The following MCM5 variants were observed in gnomAD, a reference collection of about 807,000 sequenced individuals.
MCM5 encodes the protein DNA replication licensing factor MCM5.
MCM5 carries 46 observed loss-of-function variants against 79.9 expected under a neutral mutation model. The observed-to-expected ratio is 0.58, with a 90% CI of 0.45 to 0.74. The LOEUF (loss-of-function observed/expected upper bound fraction) is 0.74, where lower values mean the gene tolerates loss of function less well. MCM5 is among the 30% of genes least tolerant of loss of function. The pLI is 0.00. For synonymous variants in MCM5, 404 were observed against 390.5 expected (o/e 1.03, Z -0.41); for missense variants, 883 against 1,017.0 (o/e 0.87, Z 1.79).
At chr22:35,416,995 G>T (rs977569910) in intron 12 of MCM5, among the ~76,000 whole-genome samples, 181 bp downstream of exon 12, 6 of 152,184 alleles carry the variant, frequency 3.9e-5, no homozygotes, top group African/African-American at 1.4e-4. Context: ...AGCAGGGTCT[G>T]GAGTCCTGTG....
At chr22:35,450,740 A>G in the MCM5 span, among the ~76,000 whole-genome samples, 1 of 152,182 alleles carries the variant, frequency 6.6e-6, no homozygotes, top group Non-Finnish European at 1.5e-5. Context: ...GGGGCTCCCT[A>G]CATCTTCAGA....
At chr22:35,433,578 G>A in the MCM5 span, among the ~76,000 whole-genome samples, 2 of 152,216 alleles carry the variant, frequency 1.3e-5, no homozygotes, top group South Asian at 4.1e-4. Context: ...GGCATTGGTT[G>A]CCACGTGTTG....
rs4645789 is a variant in MCM5, at chr22:35,414,632, AAAT to A, written c.1203+666_1203+668del. On this transcript the variant is annotated intron_variant, in intron 9 of 16. Coordinates refer to ENST00000216122, the MANE Select transcript of MCM5 (RefSeq NM_006739.4). Reference sequence around the variant, plus strand: ...AGACCATGTTTCAAATAATAATAATAAATAATAATAATAATAATAATAGCTAAA... The same window carrying A: ...AGACCATGTTTCAAATAATAATAATAAATAATAATAATAATAATAGCTAAA... 8.9e-3 allele frequency among the ~76,000 whole-genome samples: 1,348 copies of A among 151,306 alleles called. 20 individuals carry two copies. Among genetic ancestry groups the A allele is most frequent in the African/African-American group, 0.031 (1,276 of 41,194 alleles).
rs761101191 is a variant in MCM5 at position 35,424,162 on chromosome 22, G to A, written c.2112G>A (p.Pro704=). The A allele has an allele frequency of 2.6e-6, 4 of 1,550,436 alleles. No individual in the cohort carries two copies. Among genetic ancestry groups the A allele is most frequent in the South Asian group, 2.4e-5 (2 of 83,844 alleles). The stretch of plus-strand genomic sequence containing the variant: ...GCCATGTGCTCCCACAGAAATACCC[G>A]GAGCACGCCATCCACAAGGTGCTGC... The part of the protein sequence containing the change: ...IIKDFTKQKY[P]EHAIHKVLQL... The change falls in exon 17 of 17, where the codon CCG becomes CCA. Residue 704 remains proline (P), a synonymous_variant. Transcript: ENST00000216122.
chr22:35,445,513 T>A, the MCM5 span, among the ~76,000 whole-genome samples: 1 of 8,230 alleles, frequency 1.2e-4, no homozygotes, highest in East Asian at 8.2e-4. Flanking sequence ...ATTTTTGTAT[T>A]TTTTTTTTTT....
chr22:35,400,288 G>A (rs1931997042), intron 1 of MCM5, 80 bp downstream of exon 1: 2 of 832,802 alleles, frequency 2.4e-6, no homozygotes, highest in Middle Eastern at 3.4e-4. Context: ...TGGGACAGGA[G>A]TTTCTCGGGA....
the MCM5 span, among the ~76,000 whole-genome samples, chr22:35,433,323 A>G: frequency 6.6e-6 from 1 of 152,162 alleles, no homozygotes; most frequent in Admixed American, 6.5e-5. Context: ...GTTATAGATG[A>G]GACCATGTAT....
chr22:35,416,511 CTGTGTGTGTGTGTGTG>C (rs133421), intron 11 of MCM5, 107 bp downstream of exon 11: 10,688 of 1,023,766 alleles, frequency 0.01, 283 homozygotes, highest in African/African-American at 0.088. Flanking sequence ...GGCCTAGAAT[CTGTGTGTGTGTGTGTG>C]TGTGTGTGTG....
At chr22:35,414,145 A>C (rs1334041642) in intron 9 of MCM5, among the ~76,000 whole-genome samples, 159 bp downstream of exon 9, 1 of 151,960 alleles carries the variant, frequency 6.6e-6, no homozygotes, top group Non-Finnish European at 1.5e-5. Flanking sequence ...AGATGGGAGG[A>C]AGAAGGGAGC....
chr22:35,421,514 G>C, intron 15 of MCM5, 54 bp downstream of exon 15: 1 of 1,611,548 alleles, frequency 6.2e-7, no homozygotes, highest in South Asian at 1.1e-5. Flanking sequence ...CTGGCTCGGA[G>C]CTCTGTGGGC....
At chr22:35,431,999 G>A in the MCM5 span, among the ~76,000 whole-genome samples, 2 of 152,302 alleles carry the variant, frequency 1.3e-5, no homozygotes, top group Admixed American at 6.5e-5. Context: ...TGATTCATCC[G>A]TTTGTGTCAT....
intron 7 of MCM5, 88 bp from the exon 8 acceptor site, chr22:35,412,422 C>A: frequency 1.7e-6 from 2 of 1,176,454 alleles, no homozygotes; most frequent in Non-Finnish European, 2.3e-6. Flanking sequence ...GCTCTGCCTT[C>A]TGGGAGGTCC....
intron 2 of MCM5, chr22:35,401,296 G>A: frequency 2.3e-6 from 1 of 426,462 alleles, no homozygotes; most frequent in Non-Finnish European, 5.0e-6. Flanking sequence ...ACAAACTCAA[G>A]TTCCCTGTAG....
rs747778531 is a variant in MCM5 at position 35,406,526 on chromosome 22, A to G, written c.424-27A>G. On this transcript the variant is annotated intron_variant, in intron 4 of 16. Transcript: ENST00000216122. ...GATGCGTCCTGGCTCCCCTTAACCAACAAGCTTCCCGATGGCTCTATTACA... is the reference window on the plus strand; with the variant it reads ...GATGCGTCCTGGCTCCCCTTAACCAGCAAGCTTCCCGATGGCTCTATTACA... 6 of 1,600,632 alleles carry G rather than the reference A, an allele frequency of 3.7e-6. No homozygotes were observed. In the East Asian group the frequency reaches 1.3e-4, roughly 36 times the overall value.
At chr22:35,403,569 A>G in intron 4 of MCM5, 27 bp downstream of exon 4, 1 of 1,609,458 alleles carries the variant, frequency 6.2e-7, no homozygotes, top group African/African-American at 1.3e-5. Flanking sequence ...TGGCTGCTGC[A>G]TGGTGCAGAG....
chr22:35,417,839 T>C lies in MCM5; in HGVS notation c.1686T>C (p.Phe562=). ...GEIDLAKLKK[F]IAYCRVKCGP... The stretch of plus-strand genomic sequence containing the variant: ...TTGACCTGGCCAAGCTGAAGAAGTT[T>C]ATTGCCTACTGCCGAGTGTGAGTCC... The change falls in exon 13 of 17, where the codon TTT becomes TTC. Residue 562 remains phenylalanine, a synonymous_variant. Coordinates refer to ENST00000216122, the MANE Select transcript of MCM5 (RefSeq NM_006739.4). 1.2e-6 allele frequency: 2 copies of C among 1,613,964 alleles called. No homozygotes were observed. The highest frequency in any genetic ancestry group is 8.5e-7 in the Non-Finnish European group (1 of 1,179,864).
the MCM5 span, among the ~76,000 whole-genome samples, chr22:35,435,788 CCTG>C: frequency 5.3e-5 from 8 of 152,290 alleles, no homozygotes; most frequent in South Asian, 1.5e-3. Flanking sequence ...CTGCTGCAGG[CCTG>C]CTGGGCAACC....
chr22:35,416,277 T>G, intron 10 of MCM5, 62 bp from the exon 11 acceptor site: 1 of 1,515,062 alleles, frequency 6.6e-7, no homozygotes, highest in Non-Finnish European at 9.1e-7. Context: ...TTTTCCTGTT[T>G]CTACTGCTCC....
intron 6 of MCM5, among the ~76,000 whole-genome samples, chr22:35,409,128 A>G (rs1932302908): frequency 6.6e-6 from 1 of 152,128 alleles, no homozygotes; most frequent in South Asian, 2.1e-4. Context: ...ATGCCCAGCT[A>G]ATTTTTTGTA....
Sources: allele counts gnomAD v4.1 joint callset (sites outside exome capture counted in the v4.1 genomes callset), GRCh38; gene constraint gnomAD v4.1.1; transcripts MANE v1.5; gene names NCBI Gene and HGNC (gene_info 2026-07-23, HGNC 2026-07-21).